ARHGAP22: variants seen among roughly 807,000 people sequenced by gnomAD.
The protein encoded by ARHGAP22 is Rho GTPase activating protein 22.
ARHGAP22 carries 48 observed loss-of-function variants against 59.1 expected under a neutral mutation model. The observed-to-expected ratio is 0.81, with a 90% CI of 0.64 to 1.03. The LOEUF (loss-of-function observed/expected upper bound fraction) is 1.03. Among genes scored for constraint, ARHGAP22 ranks in the 50% least tolerant of loss-of-function variants. The pLI, the probability that ARHGAP22 is intolerant of heterozygous loss-of-function variation, is 0.00. For missense variants in ARHGAP22, 1,015 were observed against 958.7 expected (o/e 1.06, Z -0.78); for synonymous variants, 445 against 416.4 (o/e 1.07, Z -0.84).
At chr10:48,655,779 ACAGT>A (rs991221136), upstream of ARHGAP22, 1 of 152,976 alleles carries the variant, frequency 6.5e-6, no homozygotes, top group Non-Finnish European at 1.5e-5. Flanking sequence ...ATTCACAATG[ACAGT>A]CAGCACTTCT....
chr10:48,530,878 CTAAAAG>C (rs55784609), intron 3 of ARHGAP22, among the ~76,000 whole-genome samples: 131,759 of 151,554 alleles, frequency 0.87, 57,889 homozygotes, highest in Non-Finnish European at 0.91. Flanking sequence ...CCTTAAAGAA[CTAAAAG>C]TAAAACTACC....
At chr10:48,448,675 T>C (rs1277865247) in intron 9 of ARHGAP22, among the ~76,000 whole-genome samples, 2 of 146,258 alleles carry the variant, frequency 1.4e-5, no homozygotes, top group Admixed American at 1.4e-4. Context: ...GGACAGGTGC[T>C]AATGCCCTCA....
At chr10:48,542,927 T>C (rs541134422) in intron 3 of ARHGAP22, among the ~76,000 whole-genome samples, 1 of 152,266 alleles carries the variant, frequency 6.6e-6, no homozygotes, top group South Asian at 2.1e-4. Context: ...ATAGGAGAGC[T>C]GGGGAGGCTG....
chr10:48,465,360 A>C (rs1424268170), intron 4 of ARHGAP22, among the ~76,000 whole-genome samples: 3 of 152,146 alleles, frequency 2.0e-5, no homozygotes, highest in African/African-American at 7.2e-5. Context: ...CGGGAATCCC[A>C]CACCGGAGAG....
chr10:48,431,412 G>GT, the ARHGAP22 span: 3 of 611,898 alleles, frequency 4.9e-6, no homozygotes, highest in Non-Finnish European at 8.5e-6. Flanking sequence ...ATACAGTTTT[G>GT]TTTTTTCTAC....
At chr10:48,538,261 G>A (rs1318318096) in intron 3 of ARHGAP22, among the ~76,000 whole-genome samples, 2 of 152,100 alleles carry the variant, frequency 1.3e-5, no homozygotes, top group Non-Finnish European at 2.9e-5. Context: ...CTCCCTCTGT[G>A]TCTCTGTGCA....
intron 3 of ARHGAP22, among the ~76,000 whole-genome samples, chr10:48,550,171 G>A (rs759362766): frequency 1.3e-4 from 20 of 152,170 alleles, no homozygotes; most frequent in South Asian, 2.1e-4. Flanking sequence ...GAGCAGGGTC[G>A]TTGTCACTTT....
At chr10:48,579,697 C>G (rs748711961) in intron 2 of ARHGAP22, among the ~76,000 whole-genome samples, 2 of 152,140 alleles carry the variant, frequency 1.3e-5, no homozygotes, top group Admixed American at 1.3e-4. Context: ...GTGAGCTCTG[C>G]GAAGCATCAA....
At chr10:48,629,935 A>C (rs1264416377) in intron 1 of ARHGAP22, among the ~76,000 whole-genome samples, 1 of 152,168 alleles carries the variant, frequency 6.6e-6, no homozygotes, top group African/African-American at 2.4e-5. Flanking sequence ...TTTATAACTA[A>C]ATATTTCATT....
At chr10:48,605,162 G>T, upstream of ARHGAP22, 1 of 1,149,040 alleles carries the variant, frequency 8.7e-7, no homozygotes, top group Non-Finnish European at 1.1e-6. Context: ...GCCGAGAGGG[G>T]CGGGGCCAGC....
intron 9 of ARHGAP22, 103 bp from the exon 10 acceptor site, chr10:48,446,722 A>T (rs2045389709): frequency 2.6e-6 from 3 of 1,165,504 alleles, no homozygotes; most frequent in Non-Finnish European, 3.6e-6. Flanking sequence ...GGGTCAGGCC[A>T]AGCCATGGCG....
At chr10:48,567,230 C>G (rs1588808635) in intron 2 of ARHGAP22, among the ~76,000 whole-genome samples, 1 of 152,352 alleles carries the variant, frequency 6.6e-6, no homozygotes, top group East Asian at 1.9e-4. Flanking sequence ...GCAGAAGACC[C>G]TGTGGTTGAG....
At chr10:48,515,265 C>A in intron 3 of ARHGAP22, among the ~76,000 whole-genome samples, 1 of 151,806 alleles carries the variant, frequency 6.6e-6, no homozygotes, top group Admixed American at 6.6e-5. Flanking sequence ...AAGACAATAC[C>A]CAAAAGAGAT....
At position 48,479,876 on chromosome 10, in the gene ARHGAP22, C is replaced by T. The variant is rs1428950449; in HGVS notation, c.323-112G>A. The T allele has an allele frequency of 1.1e-5, 12 of 1,100,542 alleles. No individual in the cohort carries two copies. In the Admixed American group the frequency reaches 1.9e-4, roughly 17 times the overall value. The allele number at this position is 1,100,542 out of a possible 1,614,324, so 68.2% of individuals were successfully genotyped here. The stretch of plus-strand genomic sequence containing the variant: ...TGGGATATTCCCAAAGTCCTTCCAG[C>T]AACAGCTGAGCTTTGCTTTTATCTC... On this transcript the variant is annotated intron_variant, in intron 3 of 9. Transcript: ENST00000249601.
intron 8 of ARHGAP22, chr10:48,451,658 C>G (rs972458383): frequency 4.6e-6 from 3 of 646,480 alleles, no homozygotes; most frequent in South Asian, 1.7e-5. Context: ...CCCCGCCCAC[C>G]CCCTAAAATA....
chr10:48,494,043 A>G (rs2050679310), intron 3 of ARHGAP22, among the ~76,000 whole-genome samples: 1 of 152,248 alleles, frequency 6.6e-6, no homozygotes, highest in Non-Finnish European at 1.5e-5. Context: ...AACAAGGCCA[A>G]TAACTAAACC....
chr10:48,606,959 G>C (rs894220334), upstream of ARHGAP22, among the ~76,000 whole-genome samples: 20 of 152,160 alleles, frequency 1.3e-4, 1 homozygote, highest in Admixed American at 7.2e-4. Context: ...TGACAGAACT[G>C]ACCTCCTTTT....
intron 1 of ARHGAP22, among the ~76,000 whole-genome samples, chr10:48,588,126 G>C (rs2059537364): frequency 1.3e-5 from 2 of 152,232 alleles, no homozygotes; most frequent in Non-Finnish European, 2.9e-5. Flanking sequence ...CCAAGGCCCA[G>C]GCATCAGGCC....
At chr10:48,650,433 G>C (rs939588477) in intron 1 of ARHGAP22, among the ~76,000 whole-genome samples, 1 of 152,182 alleles carries the variant, frequency 6.6e-6, no homozygotes. Context: ...GTGGAGAAGA[G>C]GGAGCAACCT....
Sources: allele counts gnomAD v4.1 joint callset (sites outside exome capture counted in the v4.1 genomes callset), GRCh38; gene constraint gnomAD v4.1.1; transcripts MANE v1.5; gene names NCBI Gene and HGNC (gene_info 2026-07-23, HGNC 2026-07-21).